The following AGPS variants were observed in gnomAD, a reference collection of about 807,000 sequenced individuals.
The protein encoded by AGPS is alkyldihydroxyacetonephosphate synthase, peroxisomal.
In AGPS, 26 loss-of-function variants were observed where a neutral mutation model predicts 90.7. The observed-to-expected ratio is 0.29, with a 90% CI of 0.21 to 0.40. AGPS has a LOEUF of 0.40. Among genes scored for constraint, AGPS ranks in the 10% least tolerant of loss-of-function variants. AGPS has a pLI of 1.00. For missense variants in AGPS, 540 were observed against 816.1 expected (o/e 0.66, Z 4.12); for synonymous variants, 294 against 285.3 (o/e 1.03, Z -0.31).
intron 8 of AGPS, 48 bp from the exon 9 acceptor site, chr2:177,461,843 TAC>T: frequency 6.4e-7 from 1 of 1,569,432 alleles, no homozygotes. Flanking sequence ...TTGAGTGCTG[TAC>T]GTAATGGGAC....
intron 15 of AGPS, among the ~76,000 whole-genome samples, chr2:177,506,668 C>A (rs906104726): frequency 1.9e-4 from 29 of 151,856 alleles, no homozygotes; most frequent in Admixed American, 1.5e-3. Context: ...CCCCTGCCCC[C>A]ACAGTGATGA....
At chr2:177,509,898 T>C (rs1235026075) in intron 16 of AGPS, among the ~76,000 whole-genome samples, 1 of 152,120 alleles carries the variant, frequency 6.6e-6, no homozygotes. Flanking sequence ...ACAGGACTAG[T>C]CTACGCAACA....
chr2:177,523,042 G>T (rs1574031326), intron 18 of AGPS, among the ~76,000 whole-genome samples: 1 of 152,084 alleles, frequency 6.6e-6, no homozygotes, highest in African/African-American at 2.4e-5. Flanking sequence ...AAGGAGCTTG[G>T]TTAGGACCTT....
intron 8 of AGPS, among the ~76,000 whole-genome samples, chr2:177,448,983 T>C (rs1384306342): frequency 6.6e-6 from 1 of 152,204 alleles, no homozygotes; most frequent in African/African-American, 2.4e-5. Flanking sequence ...GGCATAATTA[T>C]TTTGAAATTC....
intron 14 of AGPS, 43 bp downstream of exon 14, chr2:177,499,773 C>G: frequency 7.8e-7 from 1 of 1,274,128 alleles, no homozygotes; most frequent in Non-Finnish European, 1.1e-6. Context: ...GAGTTAAAAG[C>G]TAAGATTCTA....
chr2:177,448,432 C>T (rs1686838912), intron 8 of AGPS, among the ~76,000 whole-genome samples: 1 of 152,154 alleles, frequency 6.6e-6, no homozygotes, highest in East Asian at 1.9e-4. Context: ...TCCTAGACTT[C>T]TTTGCTGAAC....
intron 17 of AGPS, among the ~76,000 whole-genome samples, chr2:177,515,783 T>A (rs186036964): frequency 2.0e-5 from 3 of 152,334 alleles, no homozygotes; most frequent in Non-Finnish European, 2.9e-5. Flanking sequence ...AGCTTATGTG[T>A]TCAGTTTCTG....
chr2:177,484,101 T>C (rs1393364070), intron 11 of AGPS, among the ~76,000 whole-genome samples: 2 of 151,998 alleles, frequency 1.3e-5, no homozygotes, highest in Non-Finnish European at 2.9e-5. Flanking sequence ...TTCAGACTGT[T>C]CTTAATGAGG....
chr2:177,420,526 C>T (rs1685913863), intron 2 of AGPS, among the ~76,000 whole-genome samples, 168 bp downstream of exon 2: 1 of 151,582 alleles, frequency 6.6e-6, no homozygotes, highest in South Asian at 2.1e-4. Flanking sequence ...CTGATGTTGT[C>T]ATGTCACCTC....
intron 9 of AGPS, among the ~76,000 whole-genome samples, chr2:177,462,631 C>A (rs1247204198): frequency 6.6e-6 from 1 of 151,616 alleles, no homozygotes; most frequent in Non-Finnish European, 1.5e-5. Context: ...GTTTCGTATC[C>A]ACAAATTCAA....
chr2:177,508,924 G>T (rs2166558), intron 16 of AGPS, among the ~76,000 whole-genome samples: 109,506 of 152,008 alleles, frequency 0.72, 39,709 homozygotes, highest in Admixed American at 0.78. Context: ...TCACATTTTG[G>T]TTTTTTGCAG....
At chr2:177,507,612 AATTTACT>A (rs1276335065) in intron 15 of AGPS, among the ~76,000 whole-genome samples, 4 of 152,180 alleles carry the variant, frequency 2.6e-5, no homozygotes, top group Non-Finnish European at 4.4e-5. Flanking sequence ...GATATTGGTT[AATTTACT>A]ATTTATGCCA....
At chr2:177,505,643 T>C in intron 15 of AGPS, 68 bp downstream of exon 15, 9 of 1,343,300 alleles carry the variant, frequency 6.7e-6, no homozygotes, top group African/African-American at 4.3e-5. Context: ...TTACTTTAAG[T>C]GAATGCAATT....
At chr2:177,493,810 A>G (rs147291697) in intron 12 of AGPS, among the ~76,000 whole-genome samples, 1 of 152,160 alleles carries the variant, frequency 6.6e-6, no homozygotes, top group African/African-American at 2.4e-5. Flanking sequence ...TTAGAAGGGT[A>G]CATGCATGGA....
intron 11 of AGPS, among the ~76,000 whole-genome samples, chr2:177,485,437 TAC>T: frequency 6.6e-6 from 1 of 152,300 alleles, no homozygotes; most frequent in Non-Finnish European, 1.5e-5. Context: ...TGTAATCTGA[TAC>T]AGTTTTTATT....
At chr2:177,412,291 G>A (rs563284579) in intron 1 of AGPS, among the ~76,000 whole-genome samples, 22 of 152,278 alleles carry the variant, frequency 1.4e-4, no homozygotes, top group African/African-American at 1.7e-4. Context: ...TGGGGTGCAC[G>A]CATGGGTGAC....
chr2:177,521,103 C>G (rs1176255742), intron 17 of AGPS, among the ~76,000 whole-genome samples, 166 bp from the exon 18 acceptor site: 1 of 152,220 alleles, frequency 6.6e-6, no homozygotes, highest in Non-Finnish European at 1.5e-5. Flanking sequence ...TGGCGGACAA[C>G]TCTAAAGCAA....
intron 12 of AGPS, among the ~76,000 whole-genome samples, chr2:177,497,224 CAATT>C (rs1469042767): frequency 6.6e-6 from 1 of 151,534 alleles, no homozygotes; most frequent in Non-Finnish European, 1.5e-5. Context: ...GATGAATTAA[CAATT>C]AATTAAGAAA....
chr2:177,420,181 A>G (rs967355365), intron 1 of AGPS, 88 bp from the exon 2 acceptor site: 2 of 847,764 alleles, frequency 2.4e-6, no homozygotes, highest in Non-Finnish European at 3.9e-6. Context: ...GGTATTTTAG[A>G]TGATTGTGAG....
Sources: allele counts gnomAD v4.1 joint callset (sites outside exome capture counted in the v4.1 genomes callset), GRCh38; gene constraint gnomAD v4.1.1; transcripts MANE v1.5; gene names NCBI Gene and HGNC (gene_info 2026-07-23, HGNC 2026-07-21).